The following LRFN5 variants were observed in gnomAD, a reference collection of about 807,000 sequenced individuals.
LRFN5 encodes the protein leucine rich repeat and fibronectin type III domain containing 5, also known as leucine-rich repeat and fibronectin type-III domain-containing protein 5.
A neutral mutation model predicts 45.6 loss-of-function variants in LRFN5; 24 were observed. The ratio of observed to expected loss-of-function variants is 0.53; its 90% confidence interval spans 0.38 to 0.74. LRFN5 has a LOEUF of 0.74. Among genes scored for constraint, LRFN5 ranks in the 30% least tolerant of loss-of-function variants. The pLI is 0.00. For missense variants in LRFN5, 776 were observed against 861.5 expected (o/e 0.90, Z 1.24); for synonymous variants, 340 against 313.8 (o/e 1.08, Z -0.88).
chr14:41,796,081 CAAT>C (rs1261185412), intron 2 of LRFN5, among the ~76,000 whole-genome samples: 1 of 151,586 alleles, frequency 6.6e-6, no homozygotes, highest in African/African-American at 2.4e-5. Context: ...AATACAAAAT[CAAT>C]AAAAGTTTTT....
intron 2 of LRFN5, among the ~76,000 whole-genome samples, chr14:41,874,440 A>G (rs1890122385): frequency 6.6e-6 from 1 of 152,220 alleles, no homozygotes; most frequent in South Asian, 2.1e-4. Context: ...AGGGAGCAAC[A>G]GGGCAATATC....
intron 2 of LRFN5, among the ~76,000 whole-genome samples, chr14:41,819,664 A>AAG (rs1013005824): frequency 5.9e-5 from 9 of 151,338 alleles, no homozygotes; most frequent in South Asian, 2.1e-4. Flanking sequence ...GAGCAGGAGA[A>AAG]AGAGAGAGAG....
chr14:41,678,106 A>G (rs930346399), intron 1 of LRFN5, among the ~76,000 whole-genome samples: 2 of 152,096 alleles, frequency 1.3e-5, no homozygotes, highest in South Asian at 2.1e-4. Flanking sequence ...TGGAAAAGCT[A>G]TATCATGCAA....
intron 1 of LRFN5, among the ~76,000 whole-genome samples, chr14:41,695,174 C>A (rs1390900374): frequency 1.3e-5 from 2 of 151,914 alleles, no homozygotes; most frequent in African/African-American, 2.4e-5. Context: ...TAATCCAGAG[C>A]AAAGCCCTAA....
At chr14:41,771,767 A>T (rs1886099346) in intron 2 of LRFN5, among the ~76,000 whole-genome samples, 1 of 152,126 alleles carries the variant, frequency 6.6e-6, no homozygotes, top group Non-Finnish European at 1.5e-5. Flanking sequence ...AGTCTCTTAG[A>T]ATTCTAAACT....
chr14:41,694,022 T>C (rs1882492125), intron 1 of LRFN5, among the ~76,000 whole-genome samples: 1 of 152,026 alleles, frequency 6.6e-6, no homozygotes, highest in South Asian at 2.1e-4. Context: ...TATTGAAATG[T>C]TTGTATATGT....
At chr14:41,786,823 T>G (rs1439713948) in intron 2 of LRFN5, among the ~76,000 whole-genome samples, 1 of 152,000 alleles carries the variant, frequency 6.6e-6, no homozygotes, top group African/African-American at 2.4e-5. Context: ...CATTTCATTG[T>G]GTTGTTGTTA....
chr14:41,725,821 T>A (rs10872955), intron 1 of LRFN5, among the ~76,000 whole-genome samples: 41,143 of 152,066 alleles, frequency 0.27, 5,934 homozygotes, highest in South Asian at 0.42. Context: ...GCAGAAGACA[T>A]GCTCTTTTCT....
intron 1 of LRFN5, among the ~76,000 whole-genome samples, chr14:41,713,067 A>G (rs989918951): frequency 6.6e-6 from 1 of 152,278 alleles, no homozygotes; most frequent in East Asian, 1.9e-4. Flanking sequence ...AAACAAATCT[A>G]TGCAGATATG....
chr14:41,682,777 G>C (rs1881958998), intron 1 of LRFN5, among the ~76,000 whole-genome samples: 1 of 152,122 alleles, frequency 6.6e-6, no homozygotes, highest in Non-Finnish European at 1.5e-5. Flanking sequence ...TTAAAAACTT[G>C]AACAGAGCAG....
intron 2 of LRFN5, among the ~76,000 whole-genome samples, chr14:41,843,581 T>C (rs1266607458): frequency 6.6e-6 from 1 of 152,180 alleles, no homozygotes; most frequent in African/African-American, 2.4e-5. Context: ...CCAATTCAAA[T>C]CAGTCTTTGT....
At chr14:41,648,170 TC>T (rs1272225370) in intron 1 of LRFN5, among the ~76,000 whole-genome samples, 4 of 152,250 alleles carry the variant, frequency 2.6e-5, no homozygotes, top group Middle Eastern at 3.4e-3. Flanking sequence ...ATATAATAAT[TC>T]TTTTTACCAC....
At chr14:41,697,423 T>G (rs1326251871) in intron 1 of LRFN5, among the ~76,000 whole-genome samples, 1 of 151,906 alleles carries the variant, frequency 6.6e-6, no homozygotes, top group Non-Finnish European at 1.5e-5. Context: ...TTTCAGTACT[T>G]TATAATTACT....
chr14:41,685,040 T>C (rs1882060343), intron 1 of LRFN5, among the ~76,000 whole-genome samples: 2 of 152,228 alleles, frequency 1.3e-5, no homozygotes, highest in African/African-American at 2.4e-5. Context: ...CAAACTGGTA[T>C]GTGAAAAGGT....
chr14:41,831,946 T>C (rs1044394830), intron 2 of LRFN5, among the ~76,000 whole-genome samples: 3 of 152,164 alleles, frequency 2.0e-5, no homozygotes, highest in East Asian at 1.9e-4. Flanking sequence ...ACCTTCTCCT[T>C]GTCCTCACCT....
At chr14:41,633,735 G>A (rs1888629614) in intron 1 of LRFN5, among the ~76,000 whole-genome samples, 2 of 152,104 alleles carry the variant, frequency 1.3e-5, no homozygotes, top group African/African-American at 2.4e-5. Context: ...TTTTGTAAAT[G>A]TTGCCTTCTC....
rs1880262283 is a variant in LRFN5 at position 41,654,118 on chromosome 14, A to C, written c.-197+45556A>C. Among the ~76,000 whole-genome samples, 4 of 152,136 alleles carry C rather than the reference A, an allele frequency of 2.6e-5. No homozygotes were observed. The South Asian group carries it at 8.3e-4, about 32-fold the overall frequency. On this transcript the variant is annotated intron_variant, in intron 1 of 5. Coordinates refer to ENST00000298119, the MANE Select transcript of LRFN5 (RefSeq NM_152447.5). ...ATGTAAATGATGAGTTAATGGGTGC[A>C]GCACACCAACATGGCACATGTATAC... is the stretch of plus-strand genomic sequence containing the variant.
At chr14:41,643,352 A>C (rs955354273) in intron 1 of LRFN5, among the ~76,000 whole-genome samples, 1 of 152,198 alleles carries the variant, frequency 6.6e-6, no homozygotes, top group East Asian at 1.9e-4. Context: ...GTGCAATTAA[A>C]GTTTTATATT....
chr14:41,627,567 A>G (rs1021621369), intron 1 of LRFN5, among the ~76,000 whole-genome samples: 2 of 152,198 alleles, frequency 1.3e-5, no homozygotes, highest in African/African-American at 4.8e-5. Context: ...CATTGACGTC[A>G]TGAAATCCTA....
Sources: allele counts gnomAD v4.1 joint callset (sites outside exome capture counted in the v4.1 genomes callset), GRCh38; gene constraint gnomAD v4.1.1; transcripts MANE v1.5; gene names NCBI Gene and HGNC (gene_info 2026-07-23, HGNC 2026-07-21).